SUGCT: variants seen among roughly 807,000 people sequenced by gnomAD.
SUGCT encodes the protein succinyl-CoA:glutarate-CoA transferase.
SUGCT carries 41 observed loss-of-function variants against 55.0 expected under a neutral mutation model. The ratio of observed to expected loss-of-function variants is 0.74; its 90% CI spans 0.58 to 0.97. The LOEUF (loss-of-function observed/expected upper bound fraction) is 0.97. Ranked by LOEUF, SUGCT falls within the 50% of genes least tolerant of loss-of-function variation. SUGCT has a pLI of 0.00. For synonymous variants in SUGCT, 187 were observed against 200.4 expected, an observed-to-expected ratio of 0.93 and a Z score of 0.56; for missense variants, 568 against 547.8, an observed-to-expected ratio of 1.04 and a Z score of -0.37.
intron 12 of SUGCT, among the ~76,000 whole-genome samples, chr7:40,657,599 G>A (rs1345879503): frequency 6.6e-6 from 1 of 151,858 alleles, no homozygotes; most frequent in East Asian, 1.9e-4. Context: ...CAATGGCGCA[G>A]TCTCGGCTCA....
intron 12 of SUGCT, among the ~76,000 whole-genome samples, chr7:40,682,467 G>A (rs1412371576): frequency 1.3e-5 from 2 of 152,184 alleles, no homozygotes; most frequent in African/African-American, 4.8e-5. Flanking sequence ...GAAGTGGGAA[G>A]CAGTATTGTG....
intron 13 of SUGCT, among the ~76,000 whole-genome samples, chr7:40,815,657 A>C (rs1009760082): frequency 3.3e-5 from 5 of 152,148 alleles, no homozygotes; most frequent in Non-Finnish European, 5.9e-5. Context: ...ATCTCTGCAT[A>C]GGAAGGGTGG....
chr7:40,414,633 G>A (rs371894070), intron 9 of SUGCT, among the ~76,000 whole-genome samples: 4 of 152,098 alleles, frequency 2.6e-5, no homozygotes, highest in East Asian at 1.9e-4. Context: ...TTGGCTGGGC[G>A]TGGTGGTTCA....
chr7:40,603,780 A>G (rs1798403649), intron 12 of SUGCT, among the ~76,000 whole-genome samples: 1 of 152,226 alleles, frequency 6.6e-6, no homozygotes, highest in Admixed American at 6.5e-5. Flanking sequence ...ATTAGTAAGC[A>G]TGAAATTTAA....
chr7:40,940,434 G>T, the SUGCT span, among the ~76,000 whole-genome samples: 2 of 151,888 alleles, frequency 1.3e-5, no homozygotes, highest in African/African-American at 2.4e-5. Flanking sequence ...TTGCTATTTT[G>T]ATAGGAATTG....
At chr7:40,513,147 A>G (rs1371333065) in intron 12 of SUGCT, among the ~76,000 whole-genome samples, 2 of 152,196 alleles carry the variant, frequency 1.3e-5, no homozygotes, top group African/African-American at 4.8e-5. Context: ...CACATTTAAC[A>G]CAACCTACCA....
At chr7:40,219,202 G>A (rs893955637) in intron 6 of SUGCT, among the ~76,000 whole-genome samples, 2 of 152,050 alleles carry the variant, frequency 1.3e-5, no homozygotes, top group African/African-American at 4.8e-5. Flanking sequence ...GATCCCACCA[G>A]AAGGAAGAAA....
At chr7:40,435,189 A>T (rs969523325) in intron 9 of SUGCT, among the ~76,000 whole-genome samples, 1 of 152,206 alleles carries the variant, frequency 6.6e-6, no homozygotes, top group Admixed American at 6.5e-5. Flanking sequence ...ACTTTTGGCC[A>T]TGGTAAGAAG....
intron 8 of SUGCT, among the ~76,000 whole-genome samples, chr7:40,305,890 C>T (rs951609550): frequency 3.3e-5 from 5 of 152,060 alleles, no homozygotes; most frequent in African/African-American, 7.2e-5. Context: ...ATCTTGAACT[C>T]GTGAGTTCAA....
At chr7:40,352,727 C>A (rs542392404) in intron 9 of SUGCT, among the ~76,000 whole-genome samples, 1 of 152,078 alleles carries the variant, frequency 6.6e-6, no homozygotes, top group African/African-American at 2.4e-5. Context: ...GTGAGTAATG[C>A]GATGAACATA....
At chr7:41,015,105 A>T in the SUGCT span, among the ~76,000 whole-genome samples, 1 of 152,226 alleles carries the variant, frequency 6.6e-6, no homozygotes, top group African/African-American at 2.4e-5. Context: ...CAAAGAGGTA[A>T]CTTTCCCTCT....
At chr7:40,415,062 A>ATCTAACTATCTG (rs1786904544) in intron 9 of SUGCT, among the ~76,000 whole-genome samples, 1 of 14,796 alleles carries the variant, frequency 6.8e-5, no homozygotes, top group Non-Finnish European at 1.8e-4. Flanking sequence ...AAAAAAAAAA[A>ATCTAACTATCTG]TCTATCTATC....
At chr7:40,864,404 AGCCTCCCAAAGT>A (rs1794544876), downstream of SUGCT, among the ~76,000 whole-genome samples, 1 of 152,044 alleles carries the variant, frequency 6.6e-6, no homozygotes, top group African/African-American at 2.4e-5. Flanking sequence ...CGCCCACCTC[AGCCTCCCAAAGT>A]GCTAGGATTA....
At chr7:40,735,739 C>T (rs1034628621) in intron 12 of SUGCT, among the ~76,000 whole-genome samples, 3 of 152,094 alleles carry the variant, frequency 2.0e-5, no homozygotes, top group African/African-American at 7.2e-5. Context: ...AATTTTAAAA[C>T]CTGTCATTGA....
At chr7:40,479,202 A>G (rs1790883153) in intron 11 of SUGCT, among the ~76,000 whole-genome samples, 1 of 152,128 alleles carries the variant, frequency 6.6e-6, no homozygotes. Flanking sequence ...GAGAGTGAAG[A>G]TATCTCTTTG....
chr7:40,547,389 C>G (rs1266362163), intron 12 of SUGCT, among the ~76,000 whole-genome samples: 1 of 152,200 alleles, frequency 6.6e-6, no homozygotes, highest in African/African-American at 2.4e-5. Flanking sequence ...CAAGTTTATG[C>G]ATAAAATAAC....
chr7:41,017,552 C>T, the SUGCT span, among the ~76,000 whole-genome samples: 1 of 152,036 alleles, frequency 6.6e-6, no homozygotes, highest in Non-Finnish European at 1.5e-5. Flanking sequence ...AGGCAGATCA[C>T]GAGGTCAGGA....
In SUGCT at chr7:40,369,630, C is replaced by A. The variant is rs149591219; in HGVS notation, c.816+52775C>A. Among the ~76,000 whole-genome samples the A allele has an allele frequency of 1.9e-4, 29 of 152,172 alleles. No homozygotes were observed. In the East Asian group the frequency reaches 2.5e-3, roughly 13 times the overall value. On this transcript the variant is annotated intron_variant, in intron 9 of 13. Coordinates refer to ENST00000335693, the MANE Select transcript of SUGCT (RefSeq NM_001193313.2). ...GAAGGGGGAGGGTGCAGACATCAGT[C>A]CCAATTATACCATTTAAGAGGCATG... is the stretch of plus-strand genomic sequence containing the variant.
At chr7:40,558,518 T>C (rs2151656216) in intron 12 of SUGCT, among the ~76,000 whole-genome samples, 1 of 152,372 alleles carries the variant, frequency 6.6e-6, no homozygotes, top group East Asian at 1.9e-4. Flanking sequence ...AAAGGACAGA[T>C]ATCATTAGGA....
Sources: gnomAD v4.1 joint callset for allele counts (sites outside exome capture counted in the v4.1 genomes callset) on GRCh38, gnomAD v4.1.1 for gene constraint, MANE v1.5 for transcripts, NCBI Gene and HGNC (gene_info 2026-07-23, HGNC 2026-07-21) for gene names.